The following PKHD1 variants were observed in gnomAD, a reference collection of about 807,000 sequenced individuals.
PKHD1 encodes fibrocystin.
PKHD1 carries 291 observed loss-of-function variants against 412.0 expected under a neutral mutation model. That is an observed-to-expected ratio of 0.71 (90% CI 0.64 to 0.78). The LOEUF (loss-of-function observed/expected upper bound fraction) is 0.78, where lower values mean the gene tolerates loss of function less well. Ranked by LOEUF, PKHD1 falls within the 30% of genes least tolerant of loss-of-function variation. PKHD1 has a pLI of 0.00. For missense variants in PKHD1, 4,825 were observed against 4,950.7 expected, an observed-to-expected ratio of 0.97 and a Z score of 0.76; for synonymous variants, 1,777 against 1,821.5, an observed-to-expected ratio of 0.98 and a Z score of 0.62.
chr6:52,046,417 A>ACCATATCACACAGCAATCAGAGAGCACAG (rs1805851781), intron 23 of PKHD1, among the ~76,000 whole-genome samples: 6 of 152,204 alleles, frequency 3.9e-5, no homozygotes, highest in Admixed American at 1.3e-4. Flanking sequence ...TTTCACTCAT[A>ACCATATCACACAGCAATCAGAGAGCACAG]CCATATCACA....
chr6:51,986,928 T>C (rs1796288857), intron 35 of PKHD1, among the ~76,000 whole-genome samples: 1 of 152,224 alleles, frequency 6.6e-6, no homozygotes, highest in African/African-American at 2.4e-5. Flanking sequence ...AGACTACCTC[T>C]GGCACACACA....
intron 33 of PKHD1, among the ~76,000 whole-genome samples, chr6:52,022,092 T>C (rs1241796468): frequency 1.3e-5 from 2 of 152,166 alleles, no homozygotes; most frequent in Non-Finnish European, 2.9e-5. Context: ...CCTTTTGACT[T>C]TATTTCCTGA....
chr6:52,055,118 C>T (rs186174484), intron 19 of PKHD1, among the ~76,000 whole-genome samples: 34 of 152,352 alleles, frequency 2.2e-4, no homozygotes, highest in African/African-American at 7.9e-4. Flanking sequence ...TTAGCCTTCA[C>T]TGGGTCCTAA....
At chr6:51,836,750 C>T (rs1769301790) in intron 50 of PKHD1, among the ~76,000 whole-genome samples, 2 of 152,174 alleles carry the variant, frequency 1.3e-5, no homozygotes, top group African/African-American at 4.8e-5. Context: ...GCCATATGTT[C>T]TAAGGAAGCC....
At chr6:51,982,518 C>T (rs1283309973) in intron 35 of PKHD1, among the ~76,000 whole-genome samples, 131 of 137,678 alleles carry the variant, frequency 9.5e-4, no homozygotes, top group Middle Eastern at 3.7e-3. Flanking sequence ...ATCCCCAACC[C>T]TGTGCTCTCT....
At chr6:51,978,651 GCTACCAA>G (rs1052390674) in intron 35 of PKHD1, among the ~76,000 whole-genome samples, 14 of 152,294 alleles carry the variant, frequency 9.2e-5, no homozygotes, top group African/African-American at 2.9e-4. Flanking sequence ...GACATCAGGT[GCTACCAA>G]GCAGGAGAGG....
chr6:51,789,240 G>A (rs1413415167), intron 53 of PKHD1, among the ~76,000 whole-genome samples: 1 of 152,058 alleles, frequency 6.6e-6, no homozygotes, highest in Admixed American at 6.6e-5. Flanking sequence ...CTTAAAATAT[G>A]TTCTTATCCT....
chr6:52,041,950 G>A (rs12206781), intron 27 of PKHD1, among the ~76,000 whole-genome samples: 3,231 of 152,216 alleles, frequency 0.021, 59 homozygotes, highest in South Asian at 0.085. Context: ...AGGTATGTGT[G>A]GCCTGAACAG....
intron 40 of PKHD1, among the ~76,000 whole-genome samples, chr6:51,908,055 G>A (rs1015074963): frequency 2.0e-5 from 3 of 151,954 alleles, no homozygotes; most frequent in African/African-American, 7.2e-5. Context: ...TACTGAATTG[G>A]CCGCATGTCA....
At chr6:51,685,845 G>A (rs1777352962) in intron 60 of PKHD1, among the ~76,000 whole-genome samples, 1 of 152,132 alleles carries the variant, frequency 6.6e-6, no homozygotes, top group South Asian at 2.1e-4. Flanking sequence ...CAGTCTGCTG[G>A]TGTGAGGGGT....
intron 46 of PKHD1, among the ~76,000 whole-genome samples, chr6:51,882,707 A>G (rs1266805179): frequency 6.6e-6 from 1 of 152,160 alleles, no homozygotes; most frequent in Non-Finnish European, 1.5e-5. Flanking sequence ...AGTCATCTAG[A>G]GTCTGATTTT....
At chr6:51,814,277 C>G (rs1012326879) in intron 52 of PKHD1, among the ~76,000 whole-genome samples, 9 of 152,178 alleles carry the variant, frequency 5.9e-5, no homozygotes, top group African/African-American at 2.2e-4. Flanking sequence ...AAGAGTTACT[C>G]TACGATTCTC....
chr6:52,002,333 G>A (rs572377484), intron 35 of PKHD1, among the ~76,000 whole-genome samples: 1 of 152,324 alleles, frequency 6.6e-6, no homozygotes, highest in South Asian at 2.1e-4. Flanking sequence ...GCTGGAATTA[G>A]AAGAGAGGCC....
Position 51,964,028 on chromosome 6 carries a change from A to C in PKHD1, c.5752-4002T>G, listed in dbSNP as rs763915217. Among the ~76,000 whole-genome samples the C allele has an allele frequency of 8.5e-5, 13 of 152,210 alleles. No individual in the cohort carries two copies. In the East Asian group the frequency reaches 1.7e-3, roughly 20 times the overall value. On this transcript the variant is annotated intron_variant, in intron 35 of 66. Transcript: ENST00000371117. ...CAAGAATTGCCCAGAACGTGACCTCATCTTTGCATCTAGCCCCAAATAAAC... is the reference window on the plus strand; with the variant it reads ...CAAGAATTGCCCAGAACGTGACCTCCTCTTTGCATCTAGCCCCAAATAAAC...
intron 46 of PKHD1, among the ~76,000 whole-genome samples, chr6:51,880,778 T>TAA (rs1777137313): frequency 9.5e-5 from 1 of 10,542 alleles, no homozygotes; most frequent in African/African-American, 6.4e-4. Flanking sequence ...AAAAAAAAAA[T>TAA]TAAAAAAAAA....
intron 43 of PKHD1, among the ~76,000 whole-genome samples, chr6:51,894,349 G>C (rs1779566833): frequency 1.3e-5 from 2 of 152,214 alleles, no homozygotes; most frequent in Admixed American, 1.3e-4. Flanking sequence ...TGGCAAGAAG[G>C]TACAAAGCTC....
chr6:51,689,801 T>C (rs1254534376), intron 60 of PKHD1, among the ~76,000 whole-genome samples: 1 of 152,006 alleles, frequency 6.6e-6, no homozygotes, highest in Non-Finnish European at 1.5e-5. Context: ...GGGTGAAAGA[T>C]TTTTTTATCC....
rs145607917 is a variant in PKHD1 at position 51,679,779 on chromosome 6, G to A, written c.10157-19810C>T. Among the ~76,000 whole-genome samples the A allele has an allele frequency of 2.0e-5, 3 of 152,008 alleles. No homozygotes were observed. In the East Asian group the frequency reaches 5.8e-4, roughly 30 times the overall value. On this transcript the variant is annotated intron_variant, in intron 60 of 66. Transcript: ENST00000371117. Reference sequence around the variant, plus strand: ...TTTCCTTTCACACTGCCTTTATTCAGGAACAAAAAATCTCTACACAAGTTG... The same window carrying A: ...TTTCCTTTCACACTGCCTTTATTCAAGAACAAAAAATCTCTACACAAGTTG...
intron 51 of PKHD1, 118 bp downstream of exon 51, chr6:51,836,286 A>G: frequency 1.3e-6 from 1 of 756,036 alleles, no homozygotes; most frequent in South Asian, 1.4e-5. Flanking sequence ...TATCAGACAT[A>G]TAAGCTTTAG....
Sources: gnomAD v4.1 joint callset for allele counts (sites outside exome capture counted in the v4.1 genomes callset) on GRCh38, gnomAD v4.1.1 for gene constraint, MANE v1.5 for transcripts, NCBI Gene and HGNC (gene_info 2026-07-23, HGNC 2026-07-21) for gene names.